Variants in TCF7L1 observed in about 807,000 individuals in gnomAD.
TCF7L1 encodes the protein transcription factor 7-like 1.
In TCF7L1, 18 loss-of-function variants were observed where a neutral mutation model predicts 63.7. That is an observed-to-expected ratio of 0.28 (90% CI 0.20 to 0.42). TCF7L1 has a LOEUF of 0.42. Among genes scored for constraint, TCF7L1 ranks in the 10% least tolerant of loss-of-function variants. The pLI is 1.00. For missense variants in TCF7L1, 654 were observed against 779.3 expected (o/e 0.84, Z 1.91); for synonymous variants, 355 against 340.9 (o/e 1.04, Z -0.46).
intron 3 of TCF7L1, among the ~76,000 whole-genome samples, chr2:85,229,129 A>G (rs538008843): frequency 1.3e-5 from 2 of 151,804 alleles, no homozygotes; most frequent in Non-Finnish European, 2.9e-5. Flanking sequence ...TGCGGATCAC[A>G]AGGTCAAGAG....
chr2:85,217,437 C>T (rs1306972236), intron 3 of TCF7L1, among the ~76,000 whole-genome samples: 1 of 152,188 alleles, frequency 6.6e-6, no homozygotes, highest in Non-Finnish European at 1.5e-5. Context: ...ATTCTGCTCA[C>T]GTTTGATGTC....
intron 4 of TCF7L1, among the ~76,000 whole-genome samples, chr2:85,285,615 C>T (rs1289366345): frequency 6.6e-6 from 1 of 152,248 alleles, no homozygotes; most frequent in Admixed American, 6.5e-5. Context: ...CAGAGTCCCA[C>T]TTGGGATAGC....
intron 3 of TCF7L1, among the ~76,000 whole-genome samples, chr2:85,186,106 A>G (rs1234682315): frequency 6.6e-6 from 1 of 151,728 alleles, no homozygotes; most frequent in African/African-American, 2.4e-5. Context: ...AGCTGGGACT[A>G]CAGGTGCCTG....
At chr2:85,232,774 C>T (rs1321346428) in intron 3 of TCF7L1, among the ~76,000 whole-genome samples, 1 of 152,126 alleles carries the variant, frequency 6.6e-6, no homozygotes, top group Admixed American at 6.5e-5. Context: ...TACTTATCCA[C>T]GCAGTGCTTC....
At chr2:85,217,023 G>A (rs1229295869) in intron 3 of TCF7L1, 3 of 152,160 alleles carry the variant, frequency 2.0e-5, no homozygotes, top group African/African-American at 4.8e-5. Flanking sequence ...TCCCTAGAAC[G>A]TGGTGATTTA....
At chr2:85,194,698 G>A (rs1008522818) in intron 3 of TCF7L1, among the ~76,000 whole-genome samples, 5 of 152,162 alleles carry the variant, frequency 3.3e-5, no homozygotes, top group Non-Finnish European at 5.9e-5. Flanking sequence ...GCAACCAGCA[G>A]TGTGTGCCAT....
chr2:85,248,269 A>T (rs971639466), intron 3 of TCF7L1, among the ~76,000 whole-genome samples: 6 of 152,096 alleles, frequency 3.9e-5, no homozygotes, highest in Non-Finnish European at 8.8e-5. Context: ...GGTTTTTGGG[A>T]CTGGCGTTTC....
rs1228399766 is a variant in TCF7L1, at chr2:85,157,209, CA to C, written c.441+22762del. 9.8e-5 allele frequency among the ~76,000 whole-genome samples: 15 copies of C among 152,340 alleles called. No homozygotes were observed. The East Asian group carries it at 2.9e-3, about 29-fold the overall frequency. Reference sequence around the variant, plus strand: ...GAGGTGAACAGTGTTCCTAATGTCACAAAGCTCTTGAGAAGCATAGCAGGCC... The same window carrying C: ...GAGGTGAACAGTGTTCCTAATGTCACAAGCTCTTGAGAAGCATAGCAGGCC... On this transcript the variant is annotated intron_variant, in intron 3 of 11. Coordinates refer to ENST00000282111, the MANE Select transcript of TCF7L1 (RefSeq NM_031283.3).
chr2:85,164,461 C>G (rs1191078815), intron 3 of TCF7L1, among the ~76,000 whole-genome samples: 2 of 152,038 alleles, frequency 1.3e-5, no homozygotes. Flanking sequence ...TAAAGCGAGG[C>G]TACTTTGGAA....
chr2:85,283,299 G>C (rs548722824), intron 3 of TCF7L1, among the ~76,000 whole-genome samples, 196 bp from the exon 4 acceptor site: 10 of 150,822 alleles, frequency 6.6e-5, no homozygotes, highest in Admixed American at 5.3e-4. Flanking sequence ...GCGTGGTGAG[G>C]CTGGTAGTGA....
chr2:85,298,994 G>A (rs754050900), intron 4 of TCF7L1, among the ~76,000 whole-genome samples: 1 of 151,584 alleles, frequency 6.6e-6, no homozygotes, highest in Non-Finnish European at 1.5e-5. Flanking sequence ...ACAGCATTTC[G>A]ACAACTATAC....
At chr2:85,183,203 G>C (rs1678844694) in intron 3 of TCF7L1, among the ~76,000 whole-genome samples, 2 of 152,260 alleles carry the variant, frequency 1.3e-5, no homozygotes, top group African/African-American at 4.8e-5. Context: ...ATATCAAAAT[G>C]CATTTCAAAT....
At chr2:85,287,190 C>T (rs1421356598) in intron 4 of TCF7L1, among the ~76,000 whole-genome samples, 1 of 152,166 alleles carries the variant, frequency 6.6e-6, no homozygotes, top group Non-Finnish European at 1.5e-5. Context: ...CATTTTCCTG[C>T]TTTTTTGCAA....
intron 3 of TCF7L1, among the ~76,000 whole-genome samples, chr2:85,144,459 A>G (rs1335996512): frequency 6.6e-6 from 1 of 150,510 alleles, no homozygotes; most frequent in Admixed American, 6.6e-5. Flanking sequence ...AACATTAGCC[A>G]GGAGTGGTAA....
intron 3 of TCF7L1, among the ~76,000 whole-genome samples, chr2:85,220,749 G>C (rs940454398): frequency 1.3e-5 from 2 of 152,130 alleles, no homozygotes; most frequent in African/African-American, 4.8e-5. Context: ...AAATAATTTA[G>C]TTTTCCTTTT....
chr2:85,167,573 AAAG>A (rs2104230495), intron 3 of TCF7L1, among the ~76,000 whole-genome samples: 1 of 152,270 alleles, frequency 6.6e-6, no homozygotes, highest in South Asian at 2.1e-4. Context: ...CAGCTTTTTA[AAAG>A]AAGGAGCCAG....
At position 85,249,653 on chromosome 2, in the gene TCF7L1, C is replaced by T. The variant is rs563525444; in HGVS notation, c.442-33842C>T. 5.3e-5 allele frequency among the ~76,000 whole-genome samples: 8 copies of T among 152,340 alleles called. No homozygotes were observed. The East Asian group carries it at 1.5e-3, about 29-fold the overall frequency. On this transcript the variant is annotated intron_variant, in intron 3 of 11. Transcript: ENST00000282111. Reference sequence around the variant, plus strand: ...ACAACTGTCTCCCTTAAGAACCCTTCCTGGTACAAAGCCTCCATAAAACTC... The same window carrying T: ...ACAACTGTCTCCCTTAAGAACCCTTTCTGGTACAAAGCCTCCATAAAACTC...
intron 3 of TCF7L1, among the ~76,000 whole-genome samples, chr2:85,248,566 A>C (rs1049289923): frequency 2.6e-5 from 4 of 152,096 alleles, no homozygotes; most frequent in African/African-American, 4.8e-5. Flanking sequence ...TGCAGAGGAG[A>C]AATGGTGAAC....
At chr2:85,305,864 A>C (rs1011734089) in intron 8 of TCF7L1, among the ~76,000 whole-genome samples, 8 of 152,022 alleles carry the variant, frequency 5.3e-5, no homozygotes, top group Non-Finnish European at 1.0e-4. Context: ...ACCCCCTCCC[A>C]ACTTGGTTCT....
Sources: allele counts gnomAD v4.1 joint callset (sites outside exome capture counted in the v4.1 genomes callset), GRCh38; gene constraint gnomAD v4.1.1; transcripts MANE v1.5; gene names NCBI Gene and HGNC (gene_info 2026-07-23, HGNC 2026-07-21).